Variants in MACROD2 observed in about 807,000 individuals in gnomAD.
MACROD2 encodes mono-ADP ribosylhydrolase 2.
Under a neutral mutation model 70.4 loss-of-function variants are expected in MACROD2, and 36 were observed. The observed-to-expected ratio is 0.51, with a 90% confidence interval of 0.39 to 0.68. The LOEUF is 0.68. Among genes scored for constraint, MACROD2 ranks in the 30% least tolerant of loss-of-function variants. MACROD2 has a pLI of 0.00. For missense variants in MACROD2, 496 were observed against 538.4 expected (o/e 0.92, Z 0.78); for synonymous variants, 172 against 178.8 (o/e 0.96, Z 0.30).
At chr20:15,335,385 A>C (rs905928494) in intron 6 of MACROD2, among the ~76,000 whole-genome samples, 5 of 151,612 alleles carry the variant, frequency 3.3e-5, no homozygotes, top group African/African-American at 1.2e-4. Context: ...ATTATATGTA[A>C]TCAGATTTGT....
intron 8 of MACROD2, among the ~76,000 whole-genome samples, chr20:15,559,213 C>T (rs1403375874): frequency 5.4e-5 from 6 of 111,708 alleles, no homozygotes; most frequent in Admixed American, 4.2e-4. Flanking sequence ...GGCGACAGAG[C>T]GAAACTCCGT....
chr20:14,557,789 G>A (rs778226290), intron 4 of MACROD2, among the ~76,000 whole-genome samples: 15 of 151,758 alleles, frequency 9.9e-5, no homozygotes, highest in East Asian at 5.8e-4. Flanking sequence ...TTGTAAGATG[G>A]TGCAGTCACT....
chr20:15,073,916 T>C (rs1172870510), intron 5 of MACROD2, among the ~76,000 whole-genome samples: 1 of 152,190 alleles, frequency 6.6e-6, no homozygotes. Flanking sequence ...AATGATGTAC[T>C]TTTAGAATTT....
chr20:15,239,456 C>T (rs1367406295), intron 6 of MACROD2, among the ~76,000 whole-genome samples: 1 of 152,038 alleles, frequency 6.6e-6, no homozygotes, highest in Non-Finnish European at 1.5e-5. Context: ...TATACACACA[C>T]AAACACATAC....
intron 3 of MACROD2, among the ~76,000 whole-genome samples, chr20:14,203,752 G>A (rs552153904): frequency 6.6e-6 from 1 of 152,318 alleles, no homozygotes; most frequent in Admixed American, 6.5e-5. Flanking sequence ...AGGTGGGCTG[G>A]TCCTTAGGCA....
At chr20:14,985,081 A>G (rs2074836426) in intron 5 of MACROD2, among the ~76,000 whole-genome samples, 1 of 152,152 alleles carries the variant, frequency 6.6e-6, no homozygotes, top group Non-Finnish European at 1.5e-5. Context: ...GCACTCTTCT[A>G]AGGGGTGGAA....
intron 8 of MACROD2, among the ~76,000 whole-genome samples, chr20:15,763,010 GTA>G (rs987954864): frequency 6.6e-6 from 1 of 152,198 alleles, no homozygotes; most frequent in African/African-American, 2.4e-5. Flanking sequence ...GGGAATTTCA[GTA>G]TTTTGGTTTT....
Position 14,939,170 on chromosome 20 carries a change from TTG to T in MACROD2, c.418+254212_418+254213del, listed in dbSNP as rs376270786. Among the ~76,000 whole-genome samples, 529 of 152,188 alleles carry T rather than the reference TTG, an allele frequency of 3.5e-3. 7 individuals are homozygous for T. The highest frequency in any genetic ancestry group is 0.012 in the African/African-American group (478 of 41,530). Reference sequence around the variant, plus strand: ...TTTTGAAATCTTATGCAAAAAGTCTTTGCTTTGGCCTGGAGCATCTCCCCAAA... The same window carrying T: ...TTTTGAAATCTTATGCAAAAAGTCTTCTTTGGCCTGGAGCATCTCCCCAAA... On this transcript the variant is annotated intron_variant, in intron 5 of 17. Transcript: ENST00000684519.
At chr20:15,924,747 A>G (rs78253549) in intron 10 of MACROD2, among the ~76,000 whole-genome samples, 2,057 of 152,310 alleles carry the variant, frequency 0.014, 46 homozygotes, top group African/African-American at 0.046. Flanking sequence ...TGATTCTTCT[A>G]TTTAAAGAAC....
At chr20:14,495,015 T>G (rs1006242068) in intron 4 of MACROD2, among the ~76,000 whole-genome samples, 5 of 152,208 alleles carry the variant, frequency 3.3e-5, no homozygotes, top group African/African-American at 1.2e-4. Flanking sequence ...AACACATTCA[T>G]CAACTTAAAA....
At chr20:14,453,060 G>C (rs1256832238) in intron 3 of MACROD2, among the ~76,000 whole-genome samples, 1 of 152,090 alleles carries the variant, frequency 6.6e-6, no homozygotes, top group African/African-American at 2.4e-5. Flanking sequence ...TAAAGAAAGA[G>C]GTTTTGAAGG....
chr20:14,535,871 T>A (rs967538731), intron 4 of MACROD2, among the ~76,000 whole-genome samples: 4 of 152,218 alleles, frequency 2.6e-5, no homozygotes, highest in Admixed American at 6.5e-5. Context: ...TCACTAGTTC[T>A]TCAAGTATAT....
chr20:14,910,103 T>G (rs2074008704), intron 5 of MACROD2, among the ~76,000 whole-genome samples: 1 of 152,212 alleles, frequency 6.6e-6, no homozygotes, highest in South Asian at 2.1e-4. Context: ...TGAGAATGTT[T>G]GAACTGGAAG....
intron 8 of MACROD2, chr20:15,619,586 G>C: frequency 2.2e-6 from 1 of 453,282 alleles, no homozygotes; most frequent in Non-Finnish European, 4.0e-6. Flanking sequence ...TTGTCTGGTT[G>C]TGCACTTGGC....
At position 14,831,459 on chromosome 20, in the gene MACROD2, G is replaced by T. The variant is rs148011879; in HGVS notation, c.418+146500G>T. Among the ~76,000 whole-genome samples the T allele has an allele frequency of 1.7e-4, 26 of 151,906 alleles. No homozygotes were observed. The East Asian group carries it at 4.9e-3, about 28-fold the overall frequency. The stretch of plus-strand genomic sequence containing the variant: ...TTGACAGTTACTCCCCAATCCTCCT[G>T]CCTACCTTATCCCTCCCATTAAAAA... On this transcript the variant is annotated intron_variant, in intron 5 of 17. Coordinates refer to ENST00000684519, the MANE Select transcript of MACROD2 (RefSeq NM_001351661.2).
intron 8 of MACROD2, among the ~76,000 whole-genome samples, chr20:15,528,494 C>G (rs918426312): frequency 6.6e-6 from 1 of 152,170 alleles, no homozygotes; most frequent in African/African-American, 2.4e-5. Context: ...AGAACAGTCT[C>G]TTACCACAAA....
intron 5 of MACROD2, among the ~76,000 whole-genome samples, chr20:15,132,995 G>T (rs2076118022): frequency 6.6e-6 from 1 of 152,030 alleles, no homozygotes; most frequent in African/African-American, 2.4e-5. Context: ...GCTAATTGTT[G>T]CAGAAAAGGA....
intron 5 of MACROD2, among the ~76,000 whole-genome samples, chr20:14,745,592 C>T (rs2071790079): frequency 6.6e-6 from 1 of 152,182 alleles, no homozygotes; most frequent in South Asian, 2.1e-4. Context: ...TACTTCACCA[C>T]ATGGGGACAA....
chr20:15,985,393 T>C (rs966383410), intron 13 of MACROD2, among the ~76,000 whole-genome samples: 2 of 152,128 alleles, frequency 1.3e-5, no homozygotes, highest in Non-Finnish European at 2.9e-5. Context: ...TATCTAGCAA[T>C]TCAAGTCAAG....
Sources: gnomAD v4.1 joint callset for allele counts (sites outside exome capture counted in the v4.1 genomes callset) on GRCh38, gnomAD v4.1.1 for gene constraint, MANE v1.5 for transcripts, NCBI Gene and HGNC (gene_info 2026-07-23, HGNC 2026-07-21) for gene names.